Variants in SORBS2 observed in about 807,000 individuals in gnomAD.
The protein encoded by SORBS2 is sorbin and SH3 domain-containing protein 2.
Under a neutral mutation model 97.7 loss-of-function variants are expected in SORBS2, and 46 were observed. The ratio of observed to expected loss-of-function variants is 0.47; its 90% CI spans 0.37 to 0.60. SORBS2 has a LOEUF of 0.60. Ranked by LOEUF, SORBS2 falls within the 20% of genes least tolerant of loss-of-function variation. The pLI, the probability that SORBS2 is intolerant of heterozygous loss-of-function variation, is 0.00. For synonymous variants in SORBS2, 476 were observed against 473.4 expected (o/e 1.01, Z -0.07); for missense variants, 1,316 against 1,282.3 (o/e 1.03, Z -0.40).
intron 4 of SORBS2, among the ~76,000 whole-genome samples, chr4:185,635,711 A>C (rs538230561): frequency 6.6e-6 from 1 of 152,342 alleles, no homozygotes; most frequent in African/African-American, 2.4e-5. Flanking sequence ...GAGGAATGCA[A>C]GGTAAATTAA....
At chr4:185,677,832 G>GT (rs1393049709) in intron 4 of SORBS2, among the ~76,000 whole-genome samples, 1 of 152,108 alleles carries the variant, frequency 6.6e-6, no homozygotes, top group Non-Finnish European at 1.5e-5. Flanking sequence ...ATGCACTTAT[G>GT]TTTATTATCA....
intron 1 of SORBS2, among the ~76,000 whole-genome samples, chr4:185,869,221 G>A (rs2099229012): frequency 6.6e-6 from 1 of 152,112 alleles, no homozygotes; most frequent in Non-Finnish European, 1.5e-5. Context: ...ACTCACTGGA[G>A]AACTGCATTG....
intron 6 of SORBS2, among the ~76,000 whole-genome samples, chr4:185,625,768 G>A (rs1174232435): frequency 2.0e-5 from 3 of 152,294 alleles, no homozygotes; most frequent in Admixed American, 6.5e-5. Context: ...GCTTTACAAG[G>A]CCTTAAAAGG....
At chr4:185,618,923 C>A (rs1367562113) in intron 8 of SORBS2, among the ~76,000 whole-genome samples, 1 of 152,166 alleles carries the variant, frequency 6.6e-6, no homozygotes, top group African/African-American at 2.4e-5. Context: ...TCCTAGGCAT[C>A]ATTTTGGCTG....
At chr4:185,805,638 A>G (rs10013461) in intron 1 of SORBS2, among the ~76,000 whole-genome samples, 5 of 152,112 alleles carry the variant, frequency 3.3e-5, no homozygotes, top group Admixed American at 1.3e-4. Flanking sequence ...GGTCCATCCA[A>G]CAACACCGGT....
chr4:185,776,013 G>A (rs1233911579), intron 1 of SORBS2: 3 of 152,212 alleles, frequency 2.0e-5, no homozygotes, highest in Non-Finnish European at 4.4e-5. Flanking sequence ...GCCTCCACAG[G>A]CCAATGAAGA....
chr4:185,890,948 T>TTGAATGAATGAG (rs1554047216), intron 1 of SORBS2, among the ~76,000 whole-genome samples: 2 of 151,652 alleles, frequency 1.3e-5, no homozygotes, highest in African/African-American at 4.8e-5. Flanking sequence ...ATAGTAAATA[T>TTGAATGAATGAG]TGAATGAATG....
At chr4:185,886,485 G>C (rs1388164496) in intron 1 of SORBS2, among the ~76,000 whole-genome samples, 1 of 149,262 alleles carries the variant, frequency 6.7e-6, no homozygotes, top group African/African-American at 2.5e-5. Flanking sequence ...AACCTGGGAG[G>C]CGGAGGTTGC....
chr4:185,817,416 A>C (rs930389611), intron 1 of SORBS2, among the ~76,000 whole-genome samples: 6 of 152,178 alleles, frequency 3.9e-5, no homozygotes, highest in Non-Finnish European at 5.9e-5. Flanking sequence ...TCATAATGAT[A>C]AGCTTAAAAA....
chr4:185,590,061 A>G (rs1175578955), intron 13 of SORBS2, among the ~76,000 whole-genome samples: 2 of 152,254 alleles, frequency 1.3e-5, no homozygotes, highest in Non-Finnish European at 2.9e-5. Context: ...ACATTCATAA[A>G]TTGGATTAAA....
At chr4:185,739,185 G>A (rs1371145507) in intron 2 of SORBS2, among the ~76,000 whole-genome samples, 1 of 152,148 alleles carries the variant, frequency 6.6e-6, no homozygotes, top group Non-Finnish European at 1.5e-5. Context: ...GGGTTGGACT[G>A]GTATTTTCTT....
At position 185,626,006 on chromosome 4, in the gene SORBS2, G is replaced by T. The variant is rs186598205; in HGVS notation, c.634+826C>A. Reference sequence around the variant, plus strand: ...CAATCCCAAGATATTAGAGGAGATTGTGGGGTCCCACATTTGGTAGAGCCC... The same window carrying T: ...CAATCCCAAGATATTAGAGGAGATTTTGGGGTCCCACATTTGGTAGAGCCC... On this transcript the variant is annotated intron_variant, in intron 6 of 14. Coordinates refer to ENST00000418609, the Ensembl canonical transcript of SORBS2. 7.9e-4 allele frequency among the ~76,000 whole-genome samples: 120 copies of T among 152,318 alleles called. 1 individual carries two copies. The highest frequency in any genetic ancestry group is 6.2e-4 in the Non-Finnish European group (42 of 68,036).
In SORBS2 at chr4:185,764,510, C is replaced by T. The variant is rs546378923; in HGVS notation, c.-198+10717G>A. ...TAAATTCATTTTCTCTTTGAATTCA[C>T]CATTTATAGAAGTTTTGAGCCCTAG... On this transcript the variant is annotated intron_variant, in intron 2 of 20. Coordinates refer to the SORBS2 transcript ENST00000284776. Among the ~76,000 whole-genome samples, 14 of 152,212 alleles carry T rather than the reference C, an allele frequency of 9.2e-5. No homozygotes were observed. In the South Asian group the frequency reaches 2.7e-3, roughly 29 times the overall value.
At chr4:185,661,913 G>A (rs2097528377), upstream of SORBS2, among the ~76,000 whole-genome samples, 1 of 152,128 alleles carries the variant, frequency 6.6e-6, no homozygotes, top group Non-Finnish European at 1.5e-5. Context: ...AGACACAGGT[G>A]GAGACATGGT....
chr4:185,744,170 C>T (rs1471918553), intron 2 of SORBS2, among the ~76,000 whole-genome samples: 1 of 149,250 alleles, frequency 6.7e-6, no homozygotes, highest in African/African-American at 2.5e-5. Flanking sequence ...GTTATTTGAT[C>T]TCCAATTTTC....
At chr4:185,695,485 G>A (rs79127279) in intron 2 of SORBS2, among the ~76,000 whole-genome samples, 8,026 of 144,082 alleles carry the variant, frequency 0.056, 741 homozygotes, top group African/African-American at 0.19. Flanking sequence ...TAAGTAGTAG[G>A]AAAACATTGC....
chr4:185,612,555 T>C (rs1055782952), intron 11 of SORBS2, among the ~76,000 whole-genome samples: 4 of 151,236 alleles, frequency 2.6e-5, no homozygotes, highest in Admixed American at 6.6e-5. Flanking sequence ...AGTGGTGTGA[T>C]CATGGCTCAC....
chr4:185,888,513 A>T (rs1040138005), intron 1 of SORBS2, among the ~76,000 whole-genome samples: 4 of 152,112 alleles, frequency 2.6e-5, no homozygotes, highest in Non-Finnish European at 4.4e-5. Context: ...GAATTTCTGG[A>T]CTCCAGAAAT....
chr4:185,747,805 C>T (rs1404069671), intron 2 of SORBS2, among the ~76,000 whole-genome samples: 1 of 152,190 alleles, frequency 6.6e-6, no homozygotes, highest in Admixed American at 6.5e-5. Flanking sequence ...GCCTGGCCAA[C>T]ATGGTGAAAC....
Sources: allele counts gnomAD v4.1 joint callset (sites outside exome capture counted in the v4.1 genomes callset), GRCh38; gene constraint gnomAD v4.1.1; transcripts MANE v1.5; gene names NCBI Gene and HGNC (gene_info 2026-07-23, HGNC 2026-07-21).